FMNL3: variants seen among roughly 807,000 people sequenced by gnomAD.
FMNL3 encodes the protein formin-like protein 3.
A neutral mutation model predicts 119.6 loss-of-function variants in FMNL3; 57 were observed. That is an observed-to-expected ratio of 0.48 (90% CI 0.39 to 0.59). FMNL3 has a LOEUF of 0.59. Ranked by LOEUF, FMNL3 falls within the 20% of genes least tolerant of loss-of-function variation. The probability of loss-of-function intolerance (pLI) is 0.00; values close to 1 mark genes in which losing one functional copy is unlikely to be tolerated. For synonymous variants in FMNL3, 491 were observed against 507.3 expected, an observed-to-expected ratio of 0.97 and a Z score of 0.43; for missense variants, 1,053 against 1,323.5, an observed-to-expected ratio of 0.80 and a Z score of 3.17.
At chr12:49,705,952 C>CTGCT (rs2139084289) in intron 1 of FMNL3, among the ~76,000 whole-genome samples, 1 of 152,372 alleles carries the variant, frequency 6.6e-6, no homozygotes, top group Non-Finnish European at 1.5e-5. Flanking sequence ...TCCAATAAGG[C>CTGCT]TGCTAAGTCC....
At chr12:49,666,326 T>A (rs1943890463) in intron 2 of FMNL3, 119 bp from the exon 3 acceptor site, 2 of 829,646 alleles carry the variant, frequency 2.4e-6, no homozygotes, top group East Asian at 2.5e-5. Flanking sequence ...CTCCAAGTTG[T>A]CACCTGGCTC....
At chr12:49,694,690 C>G (rs1944704078) in intron 1 of FMNL3, among the ~76,000 whole-genome samples, 1 of 152,132 alleles carries the variant, frequency 6.6e-6, no homozygotes, top group Non-Finnish European at 1.5e-5. Flanking sequence ...GCAGGTGGAT[C>G]ACGAGGTCAG....
intron 1 of FMNL3, among the ~76,000 whole-genome samples, chr12:49,683,852 T>C (rs2138961674): frequency 6.6e-6 from 1 of 152,326 alleles, no homozygotes; most frequent in Middle Eastern, 3.4e-3. Flanking sequence ...GAGAGGGTTC[T>C]CTGAACACAT....
chr12:49,657,265 C>A (rs1317663), intron 6 of FMNL3, 75 bp from the exon 7 acceptor site: 1 of 1,177,648 alleles, frequency 8.5e-7, no homozygotes, highest in Non-Finnish European at 1.3e-6. Context: ...CACCATCACC[C>A]GGACAGCAGG....
At chr12:49,678,168 A>G (rs1313181221) in intron 1 of FMNL3, among the ~76,000 whole-genome samples, 4 of 125,438 alleles carry the variant, frequency 3.2e-5, no homozygotes, top group Non-Finnish European at 6.7e-5. Flanking sequence ...GGCCTATTTT[A>G]TTTTTTTTGA....
intron 1 of FMNL3, among the ~76,000 whole-genome samples, chr12:49,686,578 CAAAAAAA>C (rs746062262): frequency 1.6e-4 from 10 of 61,902 alleles, no homozygotes; most frequent in African/African-American, 3.0e-4. Context: ...ACTTCATCTC[CAAAAAAA>C]AAAAAAAAAA....
In FMNL3 at chr12:49,642,540, G is replaced by A. The variant is rs1426699028; in HGVS notation, c.*3275C>T. The A allele has an allele frequency of 6.2e-7, 1 of 1,608,890 alleles. No homozygotes were observed. Among genetic ancestry groups the A allele is most frequent in the Non-Finnish European group, 8.5e-7 (1 of 1,175,452 alleles). On this transcript the variant is annotated 3_prime_UTR_variant, in exon 26 of 26. Transcript: ENST00000335154. This position sits in a 1 kb window ranked among gnomAD's most constrained non-coding sequence, Gnocchi z 5.8. Reference sequence around the variant, plus strand: ...CATGGCGGTGTCCAGGCCAGGCTGAGTGGGGCCTAGTCTGATCAGCAGTGC... The same window carrying A: ...CATGGCGGTGTCCAGGCCAGGCTGAATGGGGCCTAGTCTGATCAGCAGTGC...
chr12:49,696,018 A>G (rs1441866570), intron 1 of FMNL3, among the ~76,000 whole-genome samples: 2 of 152,296 alleles, frequency 1.3e-5, no homozygotes, highest in East Asian at 3.9e-4. Context: ...TTTGGCCGTC[A>G]CTGCAAGAGG....
rs1359079433 is a variant in FMNL3 at position 49,636,942 on chromosome 12, TG to T, written c.*8872del. On this transcript the variant is annotated 3_prime_UTR_variant, in exon 26 of 26. Transcript: ENST00000335154. Reference sequence around the variant, plus strand: ...CCTGCCCCCTTCTGGATACGCTGCCTGTTCTTTCTGTGCCTAGCCCTGTCCA... The same window carrying T: ...CCTGCCCCCTTCTGGATACGCTGCCTTTCTTTCTGTGCCTAGCCCTGTCCA... 38 of 1,570,406 alleles carry T rather than the reference TG, an allele frequency of 2.4e-5. No individual in the cohort carries two copies. In the Admixed American group the frequency reaches 3.8e-4, roughly 16 times the overall value.
At chr12:49,663,931 A>G (rs1391487703) in intron 4 of FMNL3, among the ~76,000 whole-genome samples, 7 of 152,136 alleles carry the variant, frequency 4.6e-5, no homozygotes. Context: ...CTAGGCAACT[A>G]TCTCTACTAA....
At chr12:49,650,971 C>T (rs1943380345) in intron 16 of FMNL3, 93 bp from the exon 17 acceptor site, 1 of 1,490,884 alleles carries the variant, frequency 6.7e-7, no homozygotes, top group Admixed American at 1.7e-5. Context: ...AGAGCTCTGT[C>T]ACTCTGGAAT....
In FMNL3 at chr12:49,642,532, C is replaced by T. The variant is rs1248296269; in HGVS notation, c.*3283G>A. ...CCTGTGCTCATGGCGGTGTCCAGGC[C>T]AGGCTGAGTGGGGCCTAGTCTGATC... On this transcript the variant is annotated 3_prime_UTR_variant, in exon 26 of 26. Transcript: ENST00000335154. The surrounding 1 kb of genome is among the most constrained non-coding windows in gnomAD (Gnocchi z 5.8). 1 of 1,604,244 alleles carries T rather than the reference C, an allele frequency of 6.2e-7. No individual in the cohort carries two copies. Among genetic ancestry groups the T allele is most frequent in the South Asian group, 1.1e-5 (1 of 90,672 alleles).
chr12:49,661,865 T>A, intron 5 of FMNL3, 101 bp downstream of exon 5: 1 of 1,151,242 alleles, frequency 8.7e-7, no homozygotes, highest in South Asian at 1.3e-5. Flanking sequence ...GATTCCCATT[T>A]CCATCTTCAT....
At chr12:49,655,650 A>G (rs1011018599) in intron 9 of FMNL3, among the ~76,000 whole-genome samples, 3 of 152,130 alleles carry the variant, frequency 2.0e-5, no homozygotes, top group Non-Finnish European at 4.4e-5. Context: ...CTGAGACAGG[A>G]GGCTGCAGTC....
chr12:49,653,683 T>G, intron 12 of FMNL3, 42 bp downstream of exon 12: 1 of 1,610,996 alleles, frequency 6.2e-7, no homozygotes, highest in Non-Finnish European at 8.5e-7. Context: ...TACTTGAGCT[T>G]CCATCAACAG....
In FMNL3 at chr12:49,646,879, G is replaced by GC. The variant is rs780693252; in HGVS notation, c.2995+6dup. On this transcript the variant is annotated splice_region_variant and intron_variant, in intron 25 of 25. Transcript: ENST00000335154. ...GGCCAGGCCCCAGGGAGTGAAAAGG[G>GC]CCCCACCTGTGATGATGTCCTCGAT... is the stretch of plus-strand genomic sequence containing the variant. The GC allele has an allele frequency of 3.7e-6, 6 of 1,613,822 alleles. No homozygotes were observed. The South Asian group carries it at 5.5e-5, about 15-fold the overall frequency.
intron 1 of FMNL3, among the ~76,000 whole-genome samples, chr12:49,684,234 C>T (rs1944403748): frequency 6.6e-6 from 1 of 151,728 alleles, no homozygotes; most frequent in Non-Finnish European, 1.5e-5. Flanking sequence ...TGCTATCTTG[C>T]CCCCTCTCTG....
intron 1 of FMNL3, among the ~76,000 whole-genome samples, chr12:49,682,945 T>C (rs2138956999): frequency 6.6e-6 from 1 of 152,288 alleles, no homozygotes; most frequent in East Asian, 1.9e-4. Context: ...CAGGGTTTTG[T>C]TATCTGTGGA....
Position 49,642,113 on chromosome 12 carries a change from C to A in FMNL3, c.*3702G>T. 1 of 1,602,632 alleles carries A rather than the reference C, an allele frequency of 6.2e-7. No homozygotes were observed. The highest frequency in any genetic ancestry group is 1.1e-5 in the South Asian group (1 of 90,374). ...CACTCACTGTCCCACTGACTATATT[C>A]CCAATTCAGGGGATGGTGGTAGAAG... On this transcript the variant is annotated 3_prime_UTR_variant, in exon 26 of 26. Coordinates refer to ENST00000335154, the MANE Select transcript of FMNL3 (RefSeq NM_175736.5). This position sits in a 1 kb window ranked among gnomAD's most constrained non-coding sequence, Gnocchi z 5.8.
Sources: allele counts gnomAD v4.1 joint callset (sites outside exome capture counted in the v4.1 genomes callset), GRCh38; gene constraint gnomAD v4.1.1; non-coding constraint Gnocchi (gnomAD v3.1); transcripts MANE v1.5; gene names NCBI Gene and HGNC (gene_info 2026-07-23, HGNC 2026-07-21).